The following CYP11A1 variants were observed in gnomAD, a reference collection of about 807,000 sequenced individuals.
CYP11A1 encodes the protein cytochrome P450 family 11 subfamily A member 1.
In CYP11A1, 25 loss-of-function variants were observed where a neutral mutation model predicts 51.9. The ratio of observed to expected loss-of-function variants is 0.48; its 90% CI spans 0.35 to 0.67. The LOEUF (loss-of-function observed/expected upper bound fraction) is 0.67. Ranked by LOEUF, CYP11A1 falls within the 30% of genes least tolerant of loss-of-function variation. The pLI is 0.00. For missense variants in CYP11A1, 578 were observed against 680.9 expected, an observed-to-expected ratio of 0.85 and a Z score of 1.68; for synonymous variants, 245 against 262.1, an observed-to-expected ratio of 0.93 and a Z score of 0.63.
At chr15:74,365,561 A>C in intron 1 of CYP11A1, 1 of 547,468 alleles carries the variant, frequency 1.8e-6, no homozygotes, top group South Asian at 7.8e-5. Context: ...TTCTCTAACC[A>C]CCTCTCTCCG....
In CYP11A1 at chr15:74,345,011, T is replaced by C; in HGVS notation, c.625+33A>G. The C allele has an allele frequency of 6.3e-7, 1 of 1,595,598 alleles. No individual in the cohort carries two copies. The highest frequency in any genetic ancestry group is 1.1e-5 in the South Asian group (1 of 90,680). On this transcript the variant is annotated intron_variant, in intron 3 of 8. Transcript: ENST00000268053. The surrounding 1 kb of genome is among the most constrained non-coding windows in gnomAD (Gnocchi z 4.3). The stretch of plus-strand genomic sequence containing the variant: ...TGAACACTGAGTCCTCCCACCCCCA[T>C]GCCCACTGCCAGCCAGGTGCAAGCC...
At chr15:74,348,109 A>C (rs1414548600) in intron 1 of CYP11A1, 54 bp from the exon 2 acceptor site, 2 of 1,596,678 alleles carry the variant, frequency 1.3e-6, no homozygotes, top group Non-Finnish European at 1.7e-6. Context: ...AGCTATGGAT[A>C]CAGGCTCAGC....
intron 1 of CYP11A1, among the ~76,000 whole-genome samples, chr15:74,354,933 C>T (rs1351311632): frequency 6.6e-6 from 1 of 152,096 alleles, no homozygotes; most frequent in Non-Finnish European, 1.5e-5. Flanking sequence ...GATTATTCAC[C>T]CACATTTCAG....
chr15:74,344,085 G>A, intron 3 of CYP11A1, 93 bp from the exon 4 acceptor site: 1 of 1,019,350 alleles, frequency 9.8e-7, no homozygotes, highest in Non-Finnish European at 1.5e-6. Context: ...ACCTCCCTCA[G>A]CACAAAGGAT....
intron 1 of CYP11A1, chr15:74,365,744 G>A: frequency 1.0e-6 from 1 of 985,524 alleles, no homozygotes; most frequent in Non-Finnish European, 1.2e-6. Context: ...GCTCCGGTGG[G>A]CTCGGGTGAG....
At chr15:74,339,402 C>T (rs1383110487) in intron 6 of CYP11A1, 87 bp from the exon 7 acceptor site, 20 of 1,469,180 alleles carry the variant, frequency 1.4e-5, no homozygotes, top group Non-Finnish European at 1.9e-5. Flanking sequence ...CATCTCAGCC[C>T]TAGCTGCAGC....
At chr15:74,365,628 G>T in intron 1 of CYP11A1, 1 of 964,604 alleles carries the variant, frequency 1.0e-6, no homozygotes, top group South Asian at 4.8e-5. Context: ...CTGGGAACTA[G>T]GAATACTTTC....
At chr15:74,366,322 G>A in intron 1 of CYP11A1, 1 of 886,208 alleles carries the variant, frequency 1.1e-6, no homozygotes, top group Non-Finnish European at 1.3e-6. Flanking sequence ...CGCTTTTGTT[G>A]CCCAGGGCGG....
At chr15:74,338,164 G>C (rs1246460018) in intron 8 of CYP11A1, 61 bp from the exon 9 acceptor site, 1 of 1,602,168 alleles carries the variant, frequency 6.2e-7, no homozygotes, top group Non-Finnish European at 8.5e-7. Flanking sequence ...CCCTAGCCAG[G>C]CCAATTCACC....
chr15:74,349,795 A>G lies in CYP11A1; in HGVS notation c.270-1740T>C, dbSNP rs182886069. Among the ~76,000 whole-genome samples, 3 of 152,252 alleles carry G rather than the reference A, an allele frequency of 2.0e-5. 1 individual carries two copies. The East Asian group carries it at 5.8e-4, about 29-fold the overall frequency. On this transcript the variant is annotated intron_variant, in intron 1 of 8. Transcript: ENST00000268053. ...CTATGCTGCCTTTTAAAATTATATT[A>G]GAGGCCAGGCACAGTGGCTCACACC...
At chr15:74,358,293 A>G (rs1420358176) in intron 1 of CYP11A1, among the ~76,000 whole-genome samples, 2 of 152,166 alleles carry the variant, frequency 1.3e-5, no homozygotes, top group African/African-American at 4.8e-5. Flanking sequence ...GGTCACTCCC[A>G]CCTACTCCCC....
At chr15:74,365,575 G>A in intron 1 of CYP11A1, 2 of 664,922 alleles carry the variant, frequency 3.0e-6, no homozygotes, top group Non-Finnish European at 3.7e-6. Context: ...CTCTCCGAGA[G>A]TTTCAAAGGG....
At chr15:74,342,481 A>C (rs545498124) in intron 5 of CYP11A1, among the ~76,000 whole-genome samples, 179 of 152,298 alleles carry the variant, frequency 1.2e-3, no homozygotes, top group African/African-American at 4.2e-3. Flanking sequence ...GGGGCACCGT[A>C]GGGTACTGAG....
chr15:74,351,371 C>T (rs772913013), intron 1 of CYP11A1, among the ~76,000 whole-genome samples: 1 of 152,156 alleles, frequency 6.6e-6, no homozygotes, highest in Non-Finnish European at 1.5e-5. Context: ...TGCGGTGCTG[C>T]TCGGAGCAAA....
At chr15:74,366,024 C>G in intron 1 of CYP11A1, 1 of 986,082 alleles carries the variant, frequency 1.0e-6, no homozygotes, top group Non-Finnish European at 1.2e-6. Flanking sequence ...GCCTGGACCT[C>G]GCCCTGAGGT....
chr15:74,344,808 C>T (rs988181282), intron 3 of CYP11A1: 11 of 576,798 alleles, frequency 1.9e-5, no homozygotes, highest in Middle Eastern at 4.0e-4. Context: ...AGCACAAATG[C>T]CAGATGAGAG....
At chr15:74,359,719 G>A (rs1046624091) in intron 1 of CYP11A1, 3 of 152,174 alleles carry the variant, frequency 2.0e-5, no homozygotes, top group Non-Finnish European at 4.4e-5. Flanking sequence ...CTGCACCCAG[G>A]TGATTAAAAA....
At position 74,339,662 on chromosome 15, in the gene CYP11A1, T is replaced by C; in HGVS notation, c.1082A>G (p.His361Arg). 1 of 1,614,146 alleles carries C rather than the reference T, an allele frequency of 6.2e-7. No homozygotes were observed. The highest frequency in any genetic ancestry group is 1.1e-5 in the South Asian group (1 of 91,086). The change falls in exon 6 of 9, where the codon CAC (histidine) becomes CGC (arginine). Residue 361 changes from histidine (H) to arginine (R), a missense_variant. Physicochemically the swap from His to Arg is conservative, Grantham distance 29. Coordinates refer to ENST00000268053, the MANE Select transcript of CYP11A1 (RefSeq NM_000781.3). ...CGTGGCCATGTCTCCCTGGGCCTGG[T>C]GCCGCGCAGCCAAGACCTCTGCCCG... is the stretch of plus-strand genomic sequence containing the variant. ...MLRAEVLAAR[H>R]QAQGDMATML...
rs1017793612 is a variant in CYP11A1, at chr15:74,347,944, G to A, written c.381C>T (p.Val127=). The change falls in exon 2 of 9, where the codon GTC becomes GTT. Residue 127 remains valine, a synonymous_variant. Transcript: ENST00000268053. Reference sequence around the variant, plus strand: ...GTCTCTGGTAATACTGGTGATAGGCGACCCAGGGCGGGATGAGGAATCGTT... The same window carrying A: ...GTCTCTGGTAATACTGGTGATAGGCAACCCAGGGCGGGATGAGGAATCGTT... ...NPERFLIPPW[V]AYHQYYQRPI... is the part of the protein sequence containing the mutation. The A allele has an allele frequency of 6.8e-6, 11 of 1,614,194 alleles. No homozygotes were observed. The East Asian group carries it at 1.3e-4, about 20-fold the overall frequency.
Sources: gnomAD v4.1 joint callset for allele counts (sites outside exome capture counted in the v4.1 genomes callset) on GRCh38, gnomAD v4.1.1 for gene constraint, Gnocchi (gnomAD v3.1) non-coding constraint, MANE v1.5 for transcripts, NCBI Gene and HGNC (gene_info 2026-07-23, HGNC 2026-07-21) for gene names.